Variants in MUC5B observed in about 807,000 individuals in gnomAD.
MUC5B encodes mucin-5B.
A neutral mutation model predicts 376.9 loss-of-function variants in MUC5B; 116 were observed. The ratio of observed to expected loss-of-function variants is 0.31; its 90% CI spans 0.26 to 0.36. MUC5B has a LOEUF of 0.36. Among genes scored for constraint, MUC5B ranks in the 10% least tolerant of loss-of-function variants. The pLI, the probability that MUC5B is intolerant of heterozygous loss-of-function variation, is 1.00. For synonymous variants in MUC5B, 3,517 were observed against 3,390.9 expected, an observed-to-expected ratio of 1.04 and a Z score of -1.29; for missense variants, 7,165 against 7,769.9, an observed-to-expected ratio of 0.92 and a Z score of 2.93.
rs1304107519 is a variant in MUC5B at position 1,227,407 on chromosome 11, C to T, written c.667+9C>T. The T allele has an allele frequency of 1.2e-6, 2 of 1,600,476 alleles. No homozygotes were observed. Among genetic ancestry groups the T allele is most frequent in the Admixed American group, 1.7e-5 (1 of 59,326 alleles). On this transcript the variant is annotated intron_variant, in intron 6 of 48. Transcript: ENST00000529681. ...CGAGTTCTATGCCCACAGTGAGTGC[C>T]ACCTGGGTGAGGGGGCGGTGACCAA...
chr11:1,256,867 C>T (rs1319068542), intron 39 of MUC5B, 96 bp downstream of exon 39: 2 of 961,686 alleles, frequency 2.1e-6, no homozygotes, highest in East Asian at 2.7e-5. Context: ...GTGCTCTCCC[C>T]TCTCCCCAGC....
rs761423767 is a variant in MUC5B at position 1,246,127 on chromosome 11, C to G, written c.9247C>G (p.Gln3083Glu). Residue 3083 changes from glutamine (Q) to glutamate (E), a missense_variant, in exon 31 of 49, where the codon CAG becomes GAG. Gln to Glu is a conservative substitution (Grantham distance 29). This residue lies in a region of MUC5B where 939 missense variants were observed against 770.6 expected (regional missense o/e 1.22). Transcript: ENST00000529681. ...TLGTTGTLPEQTTTPMATMST... is the reference protein window; with the variant it reads ...TLGTTGTLPEETTTPMATMST... ...TGGGACCACCGGGACCCTCCCAGAA[C>G]AGACCACCACACCCATGGCCACCAT... The G allele has an allele frequency of 3.1e-6, 5 of 1,613,074 alleles. No homozygotes were observed. Among genetic ancestry groups the G allele is most frequent in the Middle Eastern group, 1.7e-4 (1 of 6,060 alleles).
chr11:1,228,235 C>T (rs746794387), intron 7 of MUC5B, among the ~76,000 whole-genome samples: 5 of 152,252 alleles, frequency 3.3e-5, no homozygotes, highest in Non-Finnish European at 7.3e-5. Context: ...CAGCACTGGA[C>T]TGCCCTGAAC....
Position 1,251,000 on chromosome 11 carries a change from C to T in MUC5B, c.14120C>T (p.Pro4707Leu), listed in dbSNP as rs751053596. 6.2e-7 allele frequency: 1 copy of T among 1,610,354 alleles called. No individual in the cohort carries two copies. Among genetic ancestry groups the T allele is most frequent in the Non-Finnish European group, 8.5e-7 (1 of 1,177,476 alleles). Residue 4707 changes from proline to leucine, a missense_variant, in exon 31 of 49, where the codon CCA becomes CTA. Physicochemically the swap from Pro to Leu is moderately conservative, Grantham distance 98. This residue lies in a region of MUC5B where 730 missense variants were observed against 592.7 expected (regional missense o/e 1.23). Coordinates refer to ENST00000529681, the MANE Select transcript of MUC5B (RefSeq NM_002458.3). ...ACTCCAGGGACAACACCCATCACCC[C>T]AGTGCTGACCAGCACGGCCACCACA... ...SSTPGTTPIT[P>L]VLTSTATTPA...
chr11:1,236,353 G>A lies in MUC5B; in HGVS notation c.2881-33G>A, dbSNP rs56396424. On this transcript the variant is annotated intron_variant, in intron 23 of 48. Transcript: ENST00000529681. ...CAGGCCCCTCCCTGGGGGCCACAGGGTCGGCTTCCGGCAGCGTCTGCCTCC... is the reference window on the plus strand; with the variant it reads ...CAGGCCCCTCCCTGGGGGCCACAGGATCGGCTTCCGGCAGCGTCTGCCTCC... The A allele has an allele frequency of 4.0e-3, 6,283 of 1,581,246 alleles. 216 individuals carry two copies. The African/African-American group carries it at 0.074, about 19-fold the overall frequency.
chr11:1,229,832 G>A lies in MUC5B; in HGVS notation c.1220+25G>A, dbSNP rs56311050. 2,506 of 1,568,878 alleles carry A rather than the reference G, an allele frequency of 1.6e-3. 27 individuals are homozygous for A. The African/African-American group carries it at 0.028, about 18-fold the overall frequency. ...GGTACTTATGAGCCCACCAGCCTCC[G>A]CCTGGGGTGGGGTGTGGAGCTCCTG... On this transcript the variant is annotated intron_variant, in intron 10 of 48. Transcript: ENST00000529681.
In MUC5B at chr11:1,233,459, G is replaced by A. The variant is rs375822402; in HGVS notation, c.2321+191G>A. Among the ~76,000 whole-genome samples the A allele has an allele frequency of 7.9e-5, 12 of 152,264 alleles. No homozygotes were observed. The South Asian group carries it at 2.5e-3, about 32-fold the overall frequency. ...GCTGGGAAAGAGGCCAGGAGAGGAG[G>A]TGGCCCTGGGAGGACACCTGCTGGC... On this transcript the variant is annotated intron_variant, in intron 18 of 48. Transcript: ENST00000529681.
chr11:1,261,793 C>T lies in MUC5B; in HGVS notation c.*185C>T, dbSNP rs1201354148. ...CAGAAGGGTGAGGGGCCAGCAGGAC[C>T]CCTTTCGGGAGGGCGCCACTCAGGA... On this transcript the variant is annotated 3_prime_UTR_variant, in exon 49 of 49. Transcript: ENST00000529681. The T allele has an allele frequency of 7.0e-6, 5 of 718,710 alleles. No individual in the cohort carries two copies. Among genetic ancestry groups the T allele is most frequent in the Non-Finnish European group, 1.2e-5 (5 of 401,738 alleles). 44.5% of individuals were successfully genotyped at this position (718,710 alleles called of 1,614,324 possible). A position where few individuals can be genotyped will look rare whatever the true frequency, so the allele number is the denominator to read the frequency against.
intron 23 of MUC5B, among the ~76,000 whole-genome samples, chr11:1,235,795 G>A (rs1006142875): frequency 6.7e-6 from 1 of 149,766 alleles, no homozygotes; most frequent in African/African-American, 2.5e-5. Flanking sequence ...TGGATTTAGG[G>A]CCCCCCCCCG....
In MUC5B at chr11:1,261,455, G is replaced by A; in HGVS notation, c.17136G>A (p.Glu5712=). The part of the protein sequence containing the change: ...CTCCQERRVH[E]ETVPLHCPNG... The stretch of plus-strand genomic sequence containing the variant: ...GCTGCCAGGAGAGGCGGGTCCACGA[G>A]GAGACGGTGCCCTTGCACTGTCCTA... The change falls in exon 49 of 49, where the codon GAG becomes GAA. Residue 5712 remains glutamate (E), a synonymous_variant. Coordinates refer to ENST00000529681, the MANE Select transcript of MUC5B (RefSeq NM_002458.3). 1 of 1,549,306 alleles carries A rather than the reference G, an allele frequency of 6.5e-7. No individual in the cohort carries two copies. The highest frequency in any genetic ancestry group is 8.7e-7 in the Non-Finnish European group (1 of 1,148,180).
chr11:1,230,836 T>C (rs1862011863), intron 12 of MUC5B, 100 bp from the exon 13 acceptor site: 1 of 1,378,028 alleles, frequency 7.3e-7, no homozygotes, highest in Non-Finnish European at 1.0e-6. Flanking sequence ...CTCTGTGGGC[T>C]CTGTCCCCAG....
intron 34 of MUC5B, 143 bp from the exon 35 acceptor site, chr11:1,254,551 G>T: frequency 7.5e-6 from 9 of 1,193,974 alleles, no homozygotes; most frequent in Non-Finnish European, 1.0e-5. Flanking sequence ...GAGACTCCAG[G>T]CCCCCAGGGA....
rs1260592200 is a variant in MUC5B, at chr11:1,249,524, A to G, written c.12644A>G (p.Asn4215Ser). 3 of 1,612,124 alleles carry G rather than the reference A, an allele frequency of 1.9e-6. No homozygotes were observed. The highest frequency in any genetic ancestry group is 4.5e-5 in the East Asian group (2 of 44,862). ...EQVGKFKMCF[N>S]YEIRVFCCNY... The stretch of plus-strand genomic sequence containing the variant: ...GTGGGGAAGTTCAAGATGTGCTTCA[A>G]CTATGAAATCCGTGTGTTCTGCTGC... Residue 4215 changes from asparagine to serine, a missense_variant, in exon 31 of 49, where the codon AAC becomes AGC. By Grantham distance (46) the Asn-to-Ser change is conservative. This residue lies in a region of MUC5B where 38 missense variants were observed against 72.5 expected (regional missense o/e 0.52). Transcript: ENST00000529681.
chr11:1,224,670 T>C (rs1458769423), intron 1 of MUC5B, among the ~76,000 whole-genome samples: 1 of 151,836 alleles, frequency 6.6e-6, no homozygotes, highest in Non-Finnish European at 1.5e-5. Flanking sequence ...GGCTGTGAGC[T>C]GTGGGTCGGG....
chr11:1,229,909 G>A, intron 10 of MUC5B, 96 bp from the exon 11 acceptor site: 1 of 1,546,290 alleles, frequency 6.5e-7, no homozygotes, highest in Non-Finnish European at 8.7e-7. Flanking sequence ...GGAGCTCCTG[G>A]TGTGCACCCA....
chr11:1,225,616 T>G, intron 1 of MUC5B, 65 bp from the exon 2 acceptor site: 19 of 1,432,944 alleles, frequency 1.3e-5, no homozygotes, highest in South Asian at 2.5e-5. Flanking sequence ...GCCAGGTCCG[T>G]GGTTGGGTTC....
rs981051108 is a variant in MUC5B at position 1,257,007 on chromosome 11, T to C, written c.16238-233T>C. Among the ~76,000 whole-genome samples, 3 of 151,984 alleles carry C rather than the reference T, an allele frequency of 2.0e-5. No individual in the cohort carries two copies. Among genetic ancestry groups the C allele is most frequent in the Non-Finnish European group, 2.9e-5 (2 of 67,986 alleles). ...CTGTCCTTGAGTGATCCTGTGATGG[T>C]CCCTCCCCTGAGCCCTGCCTCCCAC... is the stretch of plus-strand genomic sequence containing the variant. On this transcript the variant is annotated intron_variant, in intron 39 of 48. Coordinates refer to ENST00000529681, the MANE Select transcript of MUC5B (RefSeq NM_002458.3). The surrounding 1 kb of genome is among the most constrained non-coding windows in gnomAD (Gnocchi z 8.9).
In MUC5B at chr11:1,249,601, T is replaced by C; in HGVS notation, c.12721T>C (p.Ser4241Pro). Residue 4241 changes from serine (S) to proline (P), a missense_variant, in exon 31 of 49, where the codon TCC becomes CCC. By Grantham distance (74) the Ser-to-Pro change is moderately conservative (BLOSUM62 -1). Coordinates refer to ENST00000529681, the MANE Select transcript of MUC5B (RefSeq NM_002458.3). ...GGCCACCAGCTCTACGGCCATGCCC[T>C]CCTCCACTCCGGGGACGACCTGGAT... ...TPATSSTAMP[S>P]STPGTTWILT... 1 of 1,611,604 alleles carries C rather than the reference T, an allele frequency of 6.2e-7. No homozygotes were observed. Among genetic ancestry groups the C allele is most frequent in the Non-Finnish European group, 8.5e-7 (1 of 1,178,658 alleles).
intron 29 of MUC5B, 43 bp downstream of exon 29, chr11:1,240,131 G>A (rs764907078): frequency 6.4e-7 from 1 of 1,568,834 alleles, no homozygotes. Flanking sequence ...GAAGGCTGGG[G>A]CCAGGGGCTC....
Sources: allele counts gnomAD v4.1 joint callset (sites outside exome capture counted in the v4.1 genomes callset), GRCh38; gene constraint gnomAD v4.1.1; regional missense constraint gnomAD v4.1.1; non-coding constraint Gnocchi (gnomAD v3.1); transcripts MANE v1.5; gene names NCBI Gene and HGNC (gene_info 2026-07-23, HGNC 2026-07-21).